Variants in USP6NL observed in about 807,000 individuals in gnomAD.
USP6NL encodes the protein USP6 N-terminal-like protein.
In USP6NL, 26 loss-of-function variants were observed where a neutral mutation model predicts 61.9. The ratio of observed to expected loss-of-function variants is 0.42; its 90% confidence interval spans 0.31 to 0.58. The LOEUF is 0.58. Ranked by LOEUF, USP6NL falls within the 20% of genes least tolerant of loss-of-function variation. The pLI is 0.16. For synonymous variants in USP6NL, 432 were observed against 390.1 expected (o/e 1.11, Z -1.27); for missense variants, 1,114 against 1,034.3 (o/e 1.08, Z -1.06).
intron 4 of USP6NL, among the ~76,000 whole-genome samples, chr10:11,519,703 T>A (rs915360993): frequency 3.9e-5 from 6 of 152,214 alleles, no homozygotes; most frequent in Non-Finnish European, 7.3e-5. Flanking sequence ...ATTTTTTAAA[T>A]ATACACTAAA....
At chr10:11,565,675 G>C (rs1837119376) in intron 2 of USP6NL, 1 of 151,826 alleles carries the variant, frequency 6.6e-6, no homozygotes, top group Non-Finnish European at 1.5e-5. Context: ...CATCCAGAAA[G>C]CATCTGCAAT....
intron 2 of USP6NL, among the ~76,000 whole-genome samples, chr10:11,551,344 A>G (rs557504421): frequency 7.5e-4 from 114 of 152,208 alleles, no homozygotes; most frequent in African/African-American, 2.7e-3. Context: ...AACACAAAAG[A>G]CCTCATACTG....
chr10:11,597,963 A>G lies in USP6NL; in HGVS notation c.-83-246T>C, dbSNP rs903429459. On this transcript the variant is annotated intron_variant, in intron 1 of 14. Transcript: ENST00000609104. The surrounding 1 kb of genome is among the most constrained non-coding windows in gnomAD (Gnocchi z 4.6). ...GATATGTAGTAAGTAATCACCACAT[A>G]GAAACTTACTAACAGGTGTCCTTCG... 2.0e-5 allele frequency among the ~76,000 whole-genome samples: 3 copies of G among 152,234 alleles called. No homozygotes were observed. Among genetic ancestry groups the G allele is most frequent in the African/African-American group, 7.2e-5 (3 of 41,462 alleles).
At chr10:11,530,452 C>T (rs1457251963) in intron 2 of USP6NL, among the ~76,000 whole-genome samples, 2 of 152,158 alleles carry the variant, frequency 1.3e-5, no homozygotes, top group Admixed American at 6.5e-5. Context: ...TAGAGACTTC[C>T]AGAAATACTG....
rs1053522375 is a variant in USP6NL, at chr10:11,482,884, G to T, written c.926-962C>A. On this transcript the variant is annotated intron_variant, in intron 13 of 14. Transcript: ENST00000609104. The surrounding 1 kb of genome is among the most constrained non-coding windows in gnomAD (Gnocchi z 4.0). ...TTTTTTAATTGGCTAATGACAAATT[G>T]TATATATCTGTGGTAGACAATGTTT... Among the ~76,000 whole-genome samples the T allele has an allele frequency of 1.3e-5, 2 of 152,106 alleles. No homozygotes were observed. The highest frequency in any genetic ancestry group is 2.9e-5 in the Non-Finnish European group (2 of 68,030).
rs1488481424 is a variant in USP6NL, at chr10:11,461,286, A to G, written c.*1155T>C. The stretch of plus-strand genomic sequence containing the variant: ...TTGTTTCAATGAAAAAAAGATGTTC[A>G]AAAGCATGAAATCACACTGTATTTT... On this transcript the variant is annotated 3_prime_UTR_variant, in exon 15 of 15. Transcript: ENST00000609104. 3 of 151,154 alleles carry G rather than the reference A, an allele frequency of 2.0e-5. No homozygotes were observed. The highest frequency in any genetic ancestry group is 4.4e-5 in the Non-Finnish European group (3 of 67,744). The allele number at this position is 151,154 out of a possible 1,614,324, so 9.4% of individuals were successfully genotyped here. A position where few individuals can be genotyped will look rare whatever the true frequency, so the allele number is the denominator to read the frequency against.
In USP6NL at chr10:11,574,976, T is replaced by C. The variant is rs1209957890; in HGVS notation, c.4+22655A>G. 6.6e-6 allele frequency among the ~76,000 whole-genome samples: 1 copy of C among 152,156 alleles called. No individual in the cohort carries two copies. The highest frequency in any genetic ancestry group is 1.5e-5 in the Non-Finnish European group (1 of 68,010). On this transcript the variant is annotated intron_variant, in intron 2 of 14. Transcript: ENST00000609104. The surrounding 1 kb of genome is among the most constrained non-coding windows in gnomAD (Gnocchi z 4.3). ...GACACGACGTGCTACACCATGTACA[T>C]ATATACCACCCATAATGTATGCTCC...
chr10:11,463,040 G>C lies in USP6NL; in HGVS notation c.1888C>G (p.Pro630Ala), dbSNP rs2096223036. The C allele has an allele frequency of 6.2e-7, 1 of 1,613,984 alleles. No homozygotes were observed. Among genetic ancestry groups the C allele is most frequent in the Non-Finnish European group, 8.5e-7 (1 of 1,179,890 alleles). Residue 630 changes from proline to alanine, a missense_variant, in exon 15 of 15, where the codon CCC becomes GCC. Coordinates refer to ENST00000609104, the MANE Select transcript of USP6NL (RefSeq NM_014688.5). The surrounding 1 kb of genome is among the most constrained non-coding windows in gnomAD (Gnocchi z 6.3). ...TAAACGGGGGGATTGCTGTAGGAGG[G>C]GGGATGAGCTAGCCCTCGGGCTTCC... ...DGEARGLAHP[P>A]SYSNPPVYHG...
Position 11,463,136 on chromosome 10 carries a change from T to C in USP6NL, c.1792A>G (p.Lys598Glu), listed in dbSNP as rs1416780857. The change falls in exon 15 of 15, where the codon AAA becomes GAA. Residue 598 changes from lysine to glutamate, a missense_variant. By Grantham distance (56) the Lys-to-Glu change is moderately conservative. Transcript: ENST00000609104. This position sits in a 1 kb window ranked among gnomAD's most constrained non-coding sequence, Gnocchi z 6.3. ...KHAEPSSSPS[K>E]VSNKFTFKVQ... ...TTAAAAGTAAACTTGTTGGATACTTTTGATGGACTAGAACTTGGCTCAGCG... is the reference window on the plus strand; with the variant it reads ...TTAAAAGTAAACTTGTTGGATACTTCTGATGGACTAGAACTTGGCTCAGCG... The C allele has an allele frequency of 3.1e-6, 5 of 1,613,976 alleles. No individual in the cohort carries two copies. Among genetic ancestry groups the C allele is most frequent in the Non-Finnish European group, 3.4e-6 (4 of 1,179,900 alleles).
At chr10:11,543,486 G>A (rs926990444) in intron 2 of USP6NL, among the ~76,000 whole-genome samples, 1 of 151,904 alleles carries the variant, frequency 6.6e-6, no homozygotes, top group African/African-American at 2.4e-5. Flanking sequence ...AGCTTGCAGT[G>A]AGCTGAGATC....
At chr10:11,560,026 A>T (rs187602272) in intron 2 of USP6NL, among the ~76,000 whole-genome samples, 124 of 152,284 alleles carry the variant, frequency 8.1e-4, no homozygotes, top group African/African-American at 1.3e-3. Context: ...AGATTTTTTT[A>T]AAAAATCTTC....
chr10:11,509,392 C>T (rs1215542812), intron 6 of USP6NL, among the ~76,000 whole-genome samples: 2 of 152,198 alleles, frequency 1.3e-5, no homozygotes, highest in Admixed American at 6.5e-5. Context: ...TCAATACAGA[C>T]TTAAATGTCG....
At chr10:11,530,725 A>G (rs763418894) in intron 2 of USP6NL, among the ~76,000 whole-genome samples, 1 of 152,242 alleles carries the variant, frequency 6.6e-6, no homozygotes, top group African/African-American at 2.4e-5. Context: ...AGGAAACTAA[A>G]TGAAAATGTT....
Position 11,510,542 on chromosome 10 carries a change from GC to G in USP6NL, c.196-868del. Among the ~76,000 whole-genome samples, 1 of 152,158 alleles carries G rather than the reference GC, an allele frequency of 6.6e-6. No individual in the cohort carries two copies. The highest frequency in any genetic ancestry group is 6.5e-5 in the Admixed American group (1 of 15,282). Reference sequence around the variant, plus strand: ...CACTCAAGTGAAATTCAGGGGCAAGGCTGCGGAATGGGGAAAGTGAGACGGA... The same window carrying G: ...CACTCAAGTGAAATTCAGGGGCAAGGTGCGGAATGGGGAAAGTGAGACGGA... On this transcript the variant is annotated intron_variant, in intron 5 of 14. Coordinates refer to ENST00000609104, the MANE Select transcript of USP6NL (RefSeq NM_014688.5). The surrounding 1 kb of genome is among the most constrained non-coding windows in gnomAD (Gnocchi z 4.8).
intron 14 of USP6NL, among the ~76,000 whole-genome samples, chr10:11,467,911 T>A (rs997307575): frequency 2.6e-5 from 4 of 152,238 alleles, no homozygotes; most frequent in Non-Finnish European, 5.9e-5. Context: ...ATGACATAAA[T>A]CTGCAGTTTT....
intron 14 of USP6NL, among the ~76,000 whole-genome samples, chr10:11,477,959 A>T (rs1170650258): frequency 6.6e-6 from 1 of 152,244 alleles, no homozygotes; most frequent in East Asian, 1.9e-4. Context: ...AACAGATAGG[A>T]TGCATGAATA....
Position 11,561,989 on chromosome 10 carries a change from G to T in USP6NL, c.5-34422C>A, listed in dbSNP as rs145954439. On this transcript the variant is annotated intron_variant, in intron 2 of 14. Transcript: ENST00000609104. The surrounding 1 kb of genome is among the most constrained non-coding windows in gnomAD (Gnocchi z 4.1). The stretch of plus-strand genomic sequence containing the variant: ...ATGCCAGATCTTTTTAAGCAAGGAT[G>T]TTCTGAGTAAAAAAAAGAAATTTGC... Among the ~76,000 whole-genome samples, 650 of 152,206 alleles carry T rather than the reference G, an allele frequency of 4.3e-3. 2 individuals carry two copies. The highest frequency in any genetic ancestry group is 0.01 in the South Asian group (49 of 4,828).
At position 11,463,275 on chromosome 10, in the gene USP6NL, G is replaced by C. The variant is rs768540914; in HGVS notation, c.1653C>G (p.Tyr551Ter). ...DGKRGSTASQ[Y>*]DNVPGPELDS... ...CCAGCTCCGGGCCTGGCACGTTGTCGTACTGCGATGCAGTGGAGCCCCGCT... is the reference window on the plus strand; with the variant it reads ...CCAGCTCCGGGCCTGGCACGTTGTCCTACTGCGATGCAGTGGAGCCCCGCT... Residue 551 changes from tyrosine to a stop codon, truncating the protein, a stop_gained, in exon 15 of 15, where the codon TAC becomes TAG. Transcript: ENST00000609104. LOFTEE classifies it low-confidence loss of function (END_TRUNC). The surrounding 1 kb of genome is among the most constrained non-coding windows in gnomAD (Gnocchi z 6.3). 1 of 1,613,754 alleles carries C rather than the reference G, an allele frequency of 6.2e-7. No homozygotes were observed. The highest frequency in any genetic ancestry group is 8.5e-7 in the Non-Finnish European group (1 of 1,179,886).
chr10:11,605,002 T>C (rs947590707), intron 1 of USP6NL, among the ~76,000 whole-genome samples: 1 of 152,202 alleles, frequency 6.6e-6, no homozygotes, highest in Non-Finnish European at 1.5e-5. Flanking sequence ...CAACTACATT[T>C]ATAAAAATTA....
Sources: gnomAD v4.1 joint callset for allele counts (sites outside exome capture counted in the v4.1 genomes callset) on GRCh38, gnomAD v4.1.1 for gene constraint, Gnocchi (gnomAD v3.1) non-coding constraint, MANE v1.5 for transcripts, NCBI Gene and HGNC (gene_info 2026-07-23, HGNC 2026-07-21) for gene names.